Variants in TJP1 observed in about 807,000 individuals in gnomAD.
The protein encoded by TJP1 is tight junction protein 1.
Under a neutral mutation model 194.2 loss-of-function variants are expected in TJP1, and 43 were observed. The ratio of observed to expected loss-of-function variants is 0.22; its 90% CI spans 0.17 to 0.29. The LOEUF (loss-of-function observed/expected upper bound fraction) is 0.29, where lower values mean the gene tolerates loss of function less well. TJP1 is among the 10% of genes least tolerant of loss of function. The pLI is 1.00. For missense variants in TJP1, 1,971 were observed against 2,185.7 expected (o/e 0.90, Z 1.96); for synonymous variants, 801 against 779.0 (o/e 1.03, Z -0.47).
chr15:29,741,512 G>C, intron 9 of TJP1, 76 bp from the exon 10 acceptor site: 1 of 945,482 alleles, frequency 1.1e-6, no homozygotes, highest in East Asian at 2.4e-5. Flanking sequence ...AGCAATATAT[G>C]ATTCATAAGT....
chr15:29,867,871 C>T (rs1408345348), intron 2 of TJP1, among the ~76,000 whole-genome samples: 1 of 152,070 alleles, frequency 6.6e-6, no homozygotes, highest in Non-Finnish European at 1.5e-5. Flanking sequence ...GCCTGGACAA[C>T]ATAGCAAGAC....
intron 2 of TJP1, among the ~76,000 whole-genome samples, chr15:29,930,506 A>C (rs2054672238): frequency 6.6e-6 from 1 of 152,224 alleles, no homozygotes. Context: ...GGTACAGGAA[A>C]ATCACTCTTT....
intron 8 of TJP1, among the ~76,000 whole-genome samples, chr15:29,760,853 G>T (rs1202965956): frequency 6.6e-6 from 1 of 152,160 alleles, no homozygotes; most frequent in Non-Finnish European, 1.5e-5. Context: ...AGTTTTATGG[G>T]AACATAGTCA....
rs1410277578 is a variant in TJP1 at position 29,822,252 on chromosome 15, C to T, written c.-224G>A. ...GTCTTCTCCACGGGGCGCGCCCGAC[C>T]GGCACCTCCCTCCGAGCGCGGCCAC... On this transcript the variant is annotated 5_prime_UTR_variant, in exon 1 of 28. Coordinates refer to ENST00000614355, the MANE Select transcript of TJP1 (RefSeq NM_001330239.4). 2 of 1,168,286 alleles carry T rather than the reference C, an allele frequency of 1.7e-6. No homozygotes were observed. The highest frequency in any genetic ancestry group is 2.1e-6 in the Non-Finnish European group (2 of 946,996). The allele number at this position is 1,168,286 out of a possible 1,614,324, so 72.4% of individuals were successfully genotyped here.
At chr15:29,946,981 G>A (rs2055307261) in intron 2 of TJP1, among the ~76,000 whole-genome samples, 1 of 152,122 alleles carries the variant, frequency 6.6e-6, no homozygotes, top group Non-Finnish European at 1.5e-5. Context: ...TGCTACTGCA[G>A]GCACTAAATC....
chr15:29,927,106 G>C (rs890216391), intron 2 of TJP1, among the ~76,000 whole-genome samples: 20 of 152,190 alleles, frequency 1.3e-4, no homozygotes, highest in African/African-American at 3.9e-4. Context: ...CATCACCTGA[G>C]GTCAAGAGTT....
intron 2 of TJP1, among the ~76,000 whole-genome samples, chr15:29,927,295 G>A (rs1466192681): frequency 1.3e-5 from 2 of 151,642 alleles, no homozygotes; most frequent in Admixed American, 1.3e-4. Flanking sequence ...ACTCCAGCCT[G>A]GGTGACAAAG....
chr15:29,882,173 A>G (rs785423), intron 2 of TJP1, among the ~76,000 whole-genome samples: 104,270 of 151,880 alleles, frequency 0.69, 37,108 homozygotes, highest in African/African-American at 0.88. Flanking sequence ...CAAGTGCACC[A>G]ACTAAAAAGA....
chr15:29,710,994 C>G lies in TJP1; in HGVS notation c.4209G>C (p.Lys1403Asn). Residue 1403 changes from lysine (K) to asparagine (N), a missense_variant, in exon 24 of 28, where the codon AAG (lysine) becomes AAC (asparagine). By Grantham distance (94) the Lys-to-Asn change is moderately conservative (BLOSUM62 0). Around this residue, in one of 5 missense-constraint regions of TJP1, gnomAD observed 1,108 missense variants for 1,128.5 expected, o/e 0.98. Coordinates refer to ENST00000614355, the MANE Select transcript of TJP1 (RefSeq NM_001330239.4). The stretch of plus-strand genomic sequence containing the variant: ...TATCCACACCATCAGCTTCAGGAGG[C>G]TTTCCCCTGTTAACAAATGAAGAAA... ...SNFSSYSSKG[K>N]PPEADGVDRS... The G allele has an allele frequency of 6.3e-7, 1 of 1,589,900 alleles. No homozygotes were observed. Among genetic ancestry groups the G allele is most frequent in the Non-Finnish European group, 8.6e-7 (1 of 1,165,980 alleles).
In TJP1 at chr15:29,720,720, A is replaced by G. The variant is rs2042878963; in HGVS notation, c.2413-12T>C. The stretch of plus-strand genomic sequence containing the variant: ...GTAGCACCATCCGCCTGGGTCAAAT[A>G]AAAGTAAATTACAAATTTTATTCAG... On this transcript the variant is annotated splice_polypyrimidine_tract_variant and intron_variant, in intron 18 of 27. Coordinates refer to ENST00000614355, the MANE Select transcript of TJP1 (RefSeq NM_001330239.4). 1 of 1,562,298 alleles carries G rather than the reference A, an allele frequency of 6.4e-7. No individual in the cohort carries two copies. The highest frequency in any genetic ancestry group is 8.7e-7 in the Non-Finnish European group (1 of 1,153,704).
chr15:29,862,568 G>A (rs984124830), intron 2 of TJP1, among the ~76,000 whole-genome samples: 3 of 152,012 alleles, frequency 2.0e-5, no homozygotes, highest in Non-Finnish European at 2.9e-5. Flanking sequence ...AGTGATGGGA[G>A]CCAAAGCTGA....
intron 2 of TJP1, among the ~76,000 whole-genome samples, chr15:29,838,387 C>T (rs941427851): frequency 2.8e-4 from 43 of 151,916 alleles, no homozygotes; most frequent in African/African-American, 9.0e-4. Context: ...ATTGCACCAC[C>T]GCACTCCAGC....
intron 11 of TJP1, among the ~76,000 whole-genome samples, chr15:29,737,042 C>G (rs1006075879): frequency 6.6e-6 from 1 of 152,142 alleles, no homozygotes; most frequent in South Asian, 2.1e-4. Flanking sequence ...ACATTCTTTA[C>G]TAACACAAAA....
At chr15:29,804,116 T>C (rs1318095106) in intron 1 of TJP1, among the ~76,000 whole-genome samples, 2 of 152,192 alleles carry the variant, frequency 1.3e-5, no homozygotes, top group Non-Finnish European at 2.9e-5. Context: ...GCCTTTCATT[T>C]GCTTCTGTGG....
intron 2 of TJP1, among the ~76,000 whole-genome samples, chr15:29,853,930 C>T (rs116142435): frequency 0.011 from 1,611 of 152,174 alleles, 23 homozygotes; most frequent in African/African-American, 0.035. Flanking sequence ...GGAGCAACGA[C>T]GCACCTGCAG....
chr15:29,739,697 G>T (rs1001406267), intron 10 of TJP1, among the ~76,000 whole-genome samples: 1 of 151,942 alleles, frequency 6.6e-6, no homozygotes, highest in Admixed American at 6.6e-5. Flanking sequence ...TGCCCACCTC[G>T]GACTCCCAAA....
At chr15:29,717,283 G>A (rs1385201637) in intron 22 of TJP1, among the ~76,000 whole-genome samples, 1 of 152,114 alleles carries the variant, frequency 6.6e-6, no homozygotes, top group Non-Finnish European at 1.5e-5. Context: ...AACTCTATAT[G>A]GTCTAAAGTT....
chr15:29,718,653 A>T lies in TJP1; in HGVS notation c.3489T>A (p.Pro1163=). ...TGAGTCTACCATGTGTGTCATACCCAGGAGCTGGCTGCTCTTCGTGCCGCA... is the reference window on the plus strand; with the variant it reads ...TGAGTCTACCATGTGTGTCATACCCTGGAGCTGGCTGCTCTTCGTGCCGCA... ...SALRHEEQPA[P]GYDTHGRLRP... is the part of the protein sequence containing the mutation. The change falls in exon 21 of 28, where the codon CCT becomes CCA. Residue 1163 remains proline (P), a synonymous_variant. Transcript: ENST00000614355. 1 of 1,614,160 alleles carries T rather than the reference A, an allele frequency of 6.2e-7. No individual in the cohort carries two copies. Among genetic ancestry groups the T allele is most frequent in the Non-Finnish European group, 8.5e-7 (1 of 1,180,034 alleles).
intron 25 of TJP1, among the ~76,000 whole-genome samples, chr15:29,708,193 T>C (rs2042017296): frequency 1.5e-5 from 2 of 130,996 alleles, no homozygotes; most frequent in Admixed American, 1.6e-4. Flanking sequence ...GAGACTCTTG[T>C]CTCAAAAAAA....
Sources: gnomAD v4.1 joint callset for allele counts (sites outside exome capture counted in the v4.1 genomes callset) on GRCh38, gnomAD v4.1.1 for gene constraint, gnomAD v4.1.1 regional missense constraint, MANE v1.5 for transcripts, NCBI Gene and HGNC (gene_info 2026-07-23, HGNC 2026-07-21) for gene names.